KDM4C: variants seen among roughly 807,000 people sequenced by gnomAD.
KDM4C encodes the protein lysine demethylase 4C.
Under a neutral mutation model 129.3 loss-of-function variants are expected in KDM4C, and 81 were observed. That is an observed-to-expected ratio of 0.63 (90% confidence interval 0.52 to 0.75). The LOEUF (loss-of-function observed/expected upper bound fraction) is 0.75, where lower values mean the gene tolerates loss of function less well. Ranked by LOEUF, KDM4C falls within the 30% of genes least tolerant of loss-of-function variation. KDM4C has a pLI of 0.00. For synonymous variants in KDM4C, 573 were observed against 456.1 expected (o/e 1.26, Z -3.26); for missense variants, 1,457 against 1,304.0 (o/e 1.12, Z -1.81).
At chr9:7,052,891 G>C (rs1261629870) in intron 17 of KDM4C, among the ~76,000 whole-genome samples, 3 of 11,014 alleles carry the variant, frequency 2.7e-4, no homozygotes, top group African/African-American at 1.5e-3. Context: ...GAGAGAGAGA[G>C]AGAGAGAGAG....
Position 6,849,596 on chromosome 9 carries a change from C to A in KDM4C, c.525C>A (p.Thr175=). The A allele has an allele frequency of 6.2e-7, 1 of 1,613,130 alleles. No homozygotes were observed. The highest frequency in any genetic ancestry group is 8.5e-7 in the Non-Finnish European group (1 of 1,179,542). The change falls in exon 5 of 22, where the codon ACC becomes ACA. Residue 175 remains threonine, a synonymous_variant. Transcript: ENST00000381309. ...ECGISIEGVN[T]PYLYFGMWKT... ...GCATTTCTATTGAGGGTGTAAATACCCCATATCTCTATTTTGGCATGTGGA... is the reference window on the plus strand; with the variant it reads ...GCATTTCTATTGAGGGTGTAAATACACCATATCTCTATTTTGGCATGTGGA...
Position 6,776,375 on chromosome 9 carries a change from C to T in KDM4C, c.-17-16597C>T, listed in dbSNP as rs549771763. 3.9e-5 allele frequency among the ~76,000 whole-genome samples: 6 copies of T among 152,016 alleles called. No homozygotes were observed. In the East Asian group the frequency reaches 1.2e-3, roughly 30 times the overall value. On this transcript the variant is annotated intron_variant, in intron 1 of 21. Transcript: ENST00000381309. ...GCCTCCCGGGTTCAAGTGATTCCTG[C>T]CTCAGCCTCCCGAGAAGCTGGGAAT...
chr9:6,898,129 C>T (rs528822055), intron 8 of KDM4C, among the ~76,000 whole-genome samples: 2 of 152,302 alleles, frequency 1.3e-5, no homozygotes, highest in East Asian at 3.9e-4. Flanking sequence ...TTTGCCACTG[C>T]ATTCATTAGC....
intron 17 of KDM4C, among the ~76,000 whole-genome samples, chr9:7,070,941 A>G (rs1486849943): frequency 6.6e-6 from 1 of 152,176 alleles, no homozygotes. Context: ...AAAGGTTTAC[A>G]AAAAAAGCTA....
At chr9:7,055,516 A>G (rs1001395930) in intron 17 of KDM4C, among the ~76,000 whole-genome samples, 8 of 152,224 alleles carry the variant, frequency 5.3e-5, no homozygotes, top group African/African-American at 4.8e-5. Flanking sequence ...AGACCATACT[A>G]TTCTGCTTAG....
intron 3 of KDM4C, among the ~76,000 whole-genome samples, chr9:6,806,702 C>T (rs919116495): frequency 6.6e-6 from 1 of 152,010 alleles, no homozygotes; most frequent in African/African-American, 2.4e-5. Flanking sequence ...AGAGTGCTCC[C>T]CTTTCATGGC....
chr9:7,028,494 C>T (rs546521194), intron 15 of KDM4C, among the ~76,000 whole-genome samples: 2 of 151,508 alleles, frequency 1.3e-5, no homozygotes, highest in African/African-American at 2.4e-5. Flanking sequence ...CTCTCTTCTC[C>T]TCTCCTCAAG....
intron 3 of KDM4C, among the ~76,000 whole-genome samples, chr9:6,813,835 A>G (rs1451033958): frequency 2.0e-5 from 3 of 152,200 alleles, no homozygotes; most frequent in African/African-American, 7.2e-5. Flanking sequence ...TATACACACT[A>G]TTATGTAACC....
At chr9:7,140,485 TC>T (rs2129855466) in intron 19 of KDM4C, among the ~76,000 whole-genome samples, 1 of 152,328 alleles carries the variant, frequency 6.6e-6, no homozygotes, top group African/African-American at 2.4e-5. Flanking sequence ...TCCTCTTTCT[TC>T]TTAGAGTTGG....
At chr9:7,072,581 G>A (rs1439024432) in intron 17 of KDM4C, among the ~76,000 whole-genome samples, 1 of 152,128 alleles carries the variant, frequency 6.6e-6, no homozygotes, top group African/African-American at 2.4e-5. Flanking sequence ...AAACACACAA[G>A]GACAGAAAAT....
intron 19 of KDM4C, among the ~76,000 whole-genome samples, chr9:7,157,430 C>G (rs1225059185): frequency 6.6e-6 from 1 of 152,102 alleles, no homozygotes; most frequent in East Asian, 1.9e-4. Context: ...TTGTCTTGTG[C>G]CGCTTTTTAA....
chr9:7,137,027 T>C (rs1231788591), intron 19 of KDM4C, among the ~76,000 whole-genome samples: 9 of 152,228 alleles, frequency 5.9e-5, no homozygotes, highest in Non-Finnish European at 1.5e-5. Flanking sequence ...TCTCTTTCTA[T>C]AGATATGTGA....
At chr9:6,759,325 A>C (rs772557983) in intron 1 of KDM4C, among the ~76,000 whole-genome samples, 1 of 152,184 alleles carries the variant, frequency 6.6e-6, no homozygotes, top group Non-Finnish European at 1.5e-5. Context: ...TTCTATGGCA[A>C]CGGTGACTAA....
intron 17 of KDM4C, among the ~76,000 whole-genome samples, chr9:7,084,607 A>C (rs1044068453): frequency 7.9e-5 from 12 of 152,202 alleles, no homozygotes; most frequent in African/African-American, 2.7e-4. Context: ...TATTTTAAAC[A>C]ATCCGTCCAT....
intron 12 of KDM4C, among the ~76,000 whole-genome samples, chr9:6,992,638 T>A (rs1818961548): frequency 6.6e-6 from 1 of 152,238 alleles, no homozygotes; most frequent in Non-Finnish European, 1.5e-5. Flanking sequence ...TGTGTCTATG[T>A]TGCTTGCAAA....
chr9:6,854,567 A>G (rs1446509204), intron 5 of KDM4C, among the ~76,000 whole-genome samples: 1 of 150,306 alleles, frequency 6.7e-6, no homozygotes, highest in Non-Finnish European at 1.5e-5. Context: ...CTAACTTTCA[A>G]ATTTACTCTG....
chr9:6,725,790 A>AG (rs1817106081), intron 1 of KDM4C, among the ~76,000 whole-genome samples: 1 of 146,026 alleles, frequency 6.8e-6, no homozygotes, highest in East Asian at 2.0e-4. Flanking sequence ...GCTCACTGCA[A>AG]CCTCCACCTC....
rs367904488 is a variant in KDM4C, at chr9:6,782,857, CAA to C, written c.-17-10113_-17-10112del. On this transcript the variant is annotated intron_variant, in intron 1 of 21. Transcript: ENST00000381309. ...GGTGAACTAAAGGTGGGAAAATCAG[CAA>C]AGACTCTTGGGGTGGTTGAAGAAAA... 2.9e-3 allele frequency among the ~76,000 whole-genome samples: 437 copies of C among 152,226 alleles called. 2 individuals are homozygous for C. The highest frequency in any genetic ancestry group is 0.01 in the African/African-American group (418 of 41,540).
chr9:7,169,898 C>G lies in KDM4C; in HGVS notation c.2994+8C>G. The G allele has an allele frequency of 5.6e-6, 9 of 1,613,862 alleles. No homozygotes were observed. Among genetic ancestry groups the G allele is most frequent in the Non-Finnish European group, 7.6e-6 (9 of 1,179,822 alleles). On this transcript the variant is annotated splice_region_variant and intron_variant, in intron 21 of 21. Transcript: ENST00000381309. ...AGAGTGAAAGCTCGATTTGTAAGTGCTGGCAGATGCCACTTGGGGACCTGC... is the reference window on the plus strand; with the variant it reads ...AGAGTGAAAGCTCGATTTGTAAGTGGTGGCAGATGCCACTTGGGGACCTGC...
Sources: allele counts gnomAD v4.1 joint callset (sites outside exome capture counted in the v4.1 genomes callset), GRCh38; gene constraint gnomAD v4.1.1; transcripts MANE v1.5; gene names NCBI Gene and HGNC (gene_info 2026-07-23, HGNC 2026-07-21).